Variants in MATN2 observed in about 807,000 individuals in gnomAD.
MATN2 encodes the protein matrilin 2.
MATN2 carries 69 observed loss-of-function variants against 103.2 expected under a neutral mutation model. That is an observed-to-expected ratio of 0.67 (90% CI 0.55 to 0.82). MATN2 has a LOEUF of 0.82. MATN2 is among the 40% of genes least tolerant of loss of function. The probability of loss-of-function intolerance (pLI) is 0.00; values close to 1 mark genes in which losing one functional copy is unlikely to be tolerated. For missense variants in MATN2, 1,023 were observed against 1,211.5 expected, an observed-to-expected ratio of 0.84 and a Z score of 2.31; for synonymous variants, 429 against 450.2, an observed-to-expected ratio of 0.95 and a Z score of 0.60.
chr8:97,923,302 T>G, intron 2 of MATN2, among the ~76,000 whole-genome samples: 1 of 152,190 alleles, frequency 6.6e-6, no homozygotes, highest in East Asian at 1.9e-4. Flanking sequence ...AATCATGTTT[T>G]TAATCATGCT....
intron 2 of MATN2, among the ~76,000 whole-genome samples, chr8:97,909,846 T>C (rs7016027): frequency 0.43 from 64,438 of 151,350 alleles, 14,382 homozygotes; most frequent in African/African-American, 0.53. Context: ...TACAGTGGCG[T>C]GATCTTGGCT....
intron 2 of MATN2, among the ~76,000 whole-genome samples, chr8:97,910,518 T>C (rs1453601579): frequency 1.3e-5 from 2 of 152,226 alleles, no homozygotes; most frequent in African/African-American, 4.8e-5. Flanking sequence ...GATTATTTTA[T>C]TTTGTGGCAA....
At chr8:97,985,864 A>G (rs1812174618) in intron 6 of MATN2, among the ~76,000 whole-genome samples, 1 of 152,234 alleles carries the variant, frequency 6.6e-6, no homozygotes, top group Non-Finnish European at 1.5e-5. Flanking sequence ...TACTGCACCT[A>G]GCTGATAACC....
At chr8:97,932,948 A>G (rs1304620028) in intron 3 of MATN2, among the ~76,000 whole-genome samples, 2 of 152,084 alleles carry the variant, frequency 1.3e-5, no homozygotes, top group African/African-American at 2.4e-5. Context: ...CTCAGCACCA[A>G]CTCCCCAGGA....
intron 3 of MATN2, among the ~76,000 whole-genome samples, chr8:97,940,286 T>C (rs948495881): frequency 6.6e-6 from 1 of 152,142 alleles, no homozygotes; most frequent in South Asian, 2.1e-4. Flanking sequence ...TTTTTAAAAA[T>C]GAGAAAACTT....
chr8:98,013,055 C>G (rs141904812), intron 10 of MATN2, among the ~76,000 whole-genome samples: 113 of 152,318 alleles, frequency 7.4e-4, no homozygotes, highest in Non-Finnish European at 1.4e-3. Flanking sequence ...GGTACTGAGT[C>G]AGGGGTGGTG....
rs1817975955 is a variant in MATN2 at position 97,873,786 on chromosome 8, A to T, written c.-27+4499A>T. ...ACCCTCAAATTTGTTTCTTTTTTAGATTTTTGTAAAAACTTTTTTTTTACA... is the reference window on the plus strand; with the variant it reads ...ACCCTCAAATTTGTTTCTTTTTTAGTTTTTTGTAAAAACTTTTTTTTTACA... On this transcript the variant is annotated intron_variant, in intron 1 of 18. Transcript: ENST00000254898. Among the ~76,000 whole-genome samples, 6 of 151,506 alleles carry T rather than the reference A, an allele frequency of 4.0e-5. No individual in the cohort carries two copies. The South Asian group carries it at 1.3e-3, about 32-fold the overall frequency.
chr8:97,972,352 A>AAAG lies in MATN2; in HGVS notation c.959-6532_959-6531insGAA, dbSNP rs1289378717. 7.3e-5 allele frequency among the ~76,000 whole-genome samples: 11 copies of AAAG among 150,048 alleles called. No individual in the cohort carries two copies. The East Asian group carries it at 1.7e-3, about 24-fold the overall frequency. ...AGACCCTGTCTCAAAAAAAAAAAAA[A>AAAG]AAAGAAAAGAAAAGAAAAGAAATTT... On this transcript the variant is annotated intron_variant, in intron 5 of 18. Transcript: ENST00000254898.
chr8:97,869,133 G>GGAGACA lies in MATN2; in HGVS notation c.-177_-172dup, dbSNP rs905815070. On this transcript the variant is annotated 5_prime_UTR_variant, in exon 1 of 19. Transcript: ENST00000254898. ...GGGACTTGGAGCAAGCGGCGGCGGC[G>GGAGACA]GAGACAGAGGCAGAGGCAGAAGCTG... The GGAGACA allele has an allele frequency of 6.6e-6, 1 of 151,530 alleles. No homozygotes were observed. The highest frequency in any genetic ancestry group is 1.5e-5 in the Non-Finnish European group (1 of 68,214). 9.4% of individuals were successfully genotyped at this position (151,530 alleles called of 1,614,324 possible).
intron 4 of MATN2, among the ~76,000 whole-genome samples, chr8:97,954,807 G>A (rs990632415): frequency 1.3e-5 from 2 of 152,232 alleles, no homozygotes; most frequent in African/African-American, 4.8e-5. Flanking sequence ...CACTGTGGCT[G>A]CCCTATGTGG....
chr8:97,978,200 A>G (rs955623954), intron 5 of MATN2, among the ~76,000 whole-genome samples: 3 of 152,156 alleles, frequency 2.0e-5, no homozygotes, highest in African/African-American at 7.2e-5. Flanking sequence ...TAATGAATAC[A>G]TTTTTGTTCA....
chr8:97,948,116 A>G (rs1419914476), intron 4 of MATN2, among the ~76,000 whole-genome samples: 1 of 152,232 alleles, frequency 6.6e-6, no homozygotes, highest in African/African-American at 2.4e-5. Context: ...ATCTCCAACA[A>G]GAAGTACAAA....
chr8:98,015,699 C>T (rs1012961578), intron 10 of MATN2, among the ~76,000 whole-genome samples: 1 of 152,176 alleles, frequency 6.6e-6, no homozygotes, highest in African/African-American at 2.4e-5. Flanking sequence ...TGCTCTTCCT[C>T]CATAGCACTT....
At chr8:97,901,835 G>C (rs972009445) in intron 2 of MATN2, among the ~76,000 whole-genome samples, 5 of 152,130 alleles carry the variant, frequency 3.3e-5, no homozygotes, top group Non-Finnish European at 5.9e-5. Flanking sequence ...CTTTTGTAGA[G>C]GGGATATATT....
At chr8:98,008,005 A>G (rs2130390883) in intron 10 of MATN2, among the ~76,000 whole-genome samples, 1 of 152,296 alleles carries the variant, frequency 6.6e-6, no homozygotes, top group Middle Eastern at 3.4e-3. Context: ...AGATGAGGAA[A>G]AACTGTAGCT....
At chr8:97,947,049 G>A (rs1337846492) in intron 4 of MATN2, among the ~76,000 whole-genome samples, 1 of 152,160 alleles carries the variant, frequency 6.6e-6, no homozygotes, top group Admixed American at 6.5e-5. Flanking sequence ...ATGCAAGTTT[G>A]GTTTAACATT....
chr8:97,877,607 T>C (rs1407999895), intron 1 of MATN2, among the ~76,000 whole-genome samples: 2 of 151,952 alleles, frequency 1.3e-5, no homozygotes, highest in Non-Finnish European at 2.9e-5. Flanking sequence ...AGGCATGAGC[T>C]TCTGCTCCTT....
chr8:97,878,987 A>T (rs1291916218), intron 1 of MATN2, among the ~76,000 whole-genome samples: 1 of 152,226 alleles, frequency 6.6e-6, no homozygotes, highest in Non-Finnish European at 1.5e-5. Context: ...ATTTTGCTTC[A>T]ACTAATATTT....
intron 5 of MATN2, among the ~76,000 whole-genome samples, chr8:97,964,247 G>A (rs911934705): frequency 1.3e-5 from 2 of 152,122 alleles, no homozygotes; most frequent in African/African-American, 4.8e-5. Flanking sequence ...GCCAGAAGGC[G>A]CTTATCAAAG....
Sources: gnomAD v4.1 joint callset for allele counts (sites outside exome capture counted in the v4.1 genomes callset) on GRCh38, gnomAD v4.1.1 for gene constraint, MANE v1.5 for transcripts, NCBI Gene and HGNC (gene_info 2026-07-23, HGNC 2026-07-21) for gene names.